Variants in ARHGEF28 observed in about 807,000 individuals in gnomAD.
ARHGEF28 encodes the protein 190 kDa guanine nucleotide exchange factor.
In ARHGEF28, 152 loss-of-function variants were observed where a neutral mutation model predicts 206.6. That is an observed-to-expected ratio of 0.74 (90% confidence interval 0.64 to 0.84). The LOEUF (loss-of-function observed/expected upper bound fraction) is 0.84. Ranked by LOEUF, ARHGEF28 falls within the 40% of genes least tolerant of loss-of-function variation. The probability of loss-of-function intolerance (pLI) is 0.00; values close to 1 mark genes in which losing one functional copy is unlikely to be tolerated. For missense variants in ARHGEF28, 2,028 were observed against 2,073.2 expected (o/e 0.98, Z 0.42); for synonymous variants, 763 against 776.4 (o/e 0.98, Z 0.29).
intron 4 of ARHGEF28, among the ~76,000 whole-genome samples, chr5:73,753,561 G>A (rs373864442): frequency 1.3e-5 from 2 of 152,326 alleles, no homozygotes; most frequent in East Asian, 1.9e-4. Context: ...TAGGCTCACT[G>A]GACAAGAAAG....
rs939203212 is a variant in ARHGEF28, at chr5:73,910,176, T to A, written c.4647+279T>A. On this transcript the variant is annotated intron_variant, in intron 34 of 35. Coordinates refer to ENST00000513042, the MANE Select transcript of ARHGEF28 (RefSeq NM_001177693.2). ...CGGGAAGATCACCTGAGGTTGGGAG[T>A]TCGAGACCAGCCTGGCCAACATGGT... is the stretch of plus-strand genomic sequence containing the variant. Among the ~76,000 whole-genome samples the A allele has an allele frequency of 4.6e-5, 7 of 150,796 alleles. No individual in the cohort carries two copies. In the East Asian group the frequency reaches 1.2e-3, roughly 25 times the overall value.
chr5:73,741,796 A>G (rs890670409), intron 2 of ARHGEF28, among the ~76,000 whole-genome samples: 2 of 152,152 alleles, frequency 1.3e-5, no homozygotes, highest in African/African-American at 4.8e-5. Flanking sequence ...ATATTAATAT[A>G]TGCATTTAAT....
At chr5:73,774,313 G>T (rs1014839804) in intron 5 of ARHGEF28, among the ~76,000 whole-genome samples, 1 of 152,128 alleles carries the variant, frequency 6.6e-6, no homozygotes, top group African/African-American at 2.4e-5. Context: ...CAGCTTAAAT[G>T]TCAACCCCTT....
At chr5:73,885,360 A>G (rs1761204876) in intron 24 of ARHGEF28, among the ~76,000 whole-genome samples, 1 of 152,196 alleles carries the variant, frequency 6.6e-6, no homozygotes, top group African/African-American at 2.4e-5. Flanking sequence ...TCTTACTGTC[A>G]GCGGAAGGAC....
chr5:73,863,661 A>G (rs1759532606), intron 16 of ARHGEF28, among the ~76,000 whole-genome samples: 1 of 151,306 alleles, frequency 6.6e-6, no homozygotes, highest in Non-Finnish European at 1.5e-5. Flanking sequence ...ACAATTTTCA[A>G]GTATCTAAAG....
chr5:73,818,793 A>G (rs1046362872), intron 9 of ARHGEF28, among the ~76,000 whole-genome samples: 5 of 152,324 alleles, frequency 3.3e-5, no homozygotes, highest in Admixed American at 1.3e-4. Context: ...TGGCTGCTCA[A>G]ATTCTTGGAC....
intron 7 of ARHGEF28, among the ~76,000 whole-genome samples, chr5:73,792,888 C>G (rs895780500): frequency 7.2e-5 from 11 of 151,984 alleles, no homozygotes; most frequent in African/African-American, 2.7e-4. Flanking sequence ...TGAAATTAGC[C>G]CATTTTGACA....
chr5:73,725,172 A>T (rs1356308139), intron 2 of ARHGEF28, among the ~76,000 whole-genome samples: 1 of 152,180 alleles, frequency 6.6e-6, no homozygotes, highest in Non-Finnish European at 1.5e-5. Context: ...TTTCTGTGTC[A>T]TTAAATATTA....
intron 23 of ARHGEF28, 119 bp downstream of exon 23, chr5:73,882,713 A>C: frequency 4.1e-6 from 4 of 983,644 alleles, no homozygotes; most frequent in Non-Finnish European, 5.7e-6. Flanking sequence ...GGGAAGAAGA[A>C]GGGAGGTGGA....
chr5:73,848,879 C>T (rs201254639), intron 12 of ARHGEF28, 97 bp from the exon 13 acceptor site: 4 of 860,020 alleles, frequency 4.7e-6, no homozygotes, highest in Non-Finnish European at 7.2e-6. Flanking sequence ...GGTTGAATCT[C>T]TTTTCAAAGG....
intron 9 of ARHGEF28, among the ~76,000 whole-genome samples, chr5:73,817,057 C>T (rs1398768618): frequency 6.6e-6 from 1 of 152,144 alleles, no homozygotes; most frequent in Non-Finnish European, 1.5e-5. Context: ...AGGCTTTACC[C>T]AAGGTTCTCA....
At chr5:73,671,104 G>A (rs1746275992) in intron 1 of ARHGEF28, among the ~76,000 whole-genome samples, 1 of 152,070 alleles carries the variant, frequency 6.6e-6, no homozygotes, top group Admixed American at 6.5e-5. Flanking sequence ...GGAATTCATG[G>A]CCTCTATAAA....
In ARHGEF28 at chr5:73,790,590, T is replaced by A. The variant is rs1236223919; in HGVS notation, c.911-3812T>A. ...CTCACTGATAAGTCTCATTTTGATA[T>A]TTCTGTAAATAAGTGCCTCATTGTT... On this transcript the variant is annotated intron_variant, in intron 7 of 35. Transcript: ENST00000513042. 5.9e-5 allele frequency among the ~76,000 whole-genome samples: 9 copies of A among 152,060 alleles called. No homozygotes were observed. The South Asian group carries it at 1.7e-3, about 28-fold the overall frequency.
chr5:73,766,123 C>T (rs1324158031), intron 4 of ARHGEF28, among the ~76,000 whole-genome samples: 16 of 149,510 alleles, frequency 1.1e-4, no homozygotes, highest in South Asian at 2.1e-4. Context: ...CACTGCAATC[C>T]GGCCTGGGCT....
chr5:73,877,445 A>C (rs1281987075), intron 22 of ARHGEF28, among the ~76,000 whole-genome samples: 1 of 144,462 alleles, frequency 6.9e-6, no homozygotes, highest in Non-Finnish European at 1.5e-5. Flanking sequence ...GATTTTAGTT[A>C]TTTCTTGCCT....
chr5:73,769,140 C>T (rs1300324995), intron 4 of ARHGEF28, among the ~76,000 whole-genome samples: 1 of 152,052 alleles, frequency 6.6e-6, no homozygotes, highest in African/African-American at 2.4e-5. Flanking sequence ...TGAAAATGGA[C>T]TAATACACAC....
At chr5:73,932,577 T>C (rs574617823) in intron 35 of ARHGEF28, among the ~76,000 whole-genome samples, 301 of 152,322 alleles carry the variant, frequency 2.0e-3, no homozygotes, top group African/African-American at 6.9e-3. Flanking sequence ...TTGTTTTTGC[T>C]AAGAAGACAA....
intron 1 of ARHGEF28, among the ~76,000 whole-genome samples, chr5:73,669,535 G>A (rs966210898): frequency 6.6e-6 from 1 of 152,054 alleles, no homozygotes; most frequent in African/African-American, 2.4e-5. Context: ...TCAATTGTAA[G>A]AAACAATAGA....
At chr5:73,738,180 T>C (rs1751131093) in intron 2 of ARHGEF28, among the ~76,000 whole-genome samples, 1 of 152,178 alleles carries the variant, frequency 6.6e-6, no homozygotes, top group South Asian at 2.1e-4. Context: ...ATAGGATTCA[T>C]CTGGGGGTCA....
Sources: allele counts gnomAD v4.1 joint callset (sites outside exome capture counted in the v4.1 genomes callset), GRCh38; gene constraint gnomAD v4.1.1; transcripts MANE v1.5; gene names NCBI Gene and HGNC (gene_info 2026-07-23, HGNC 2026-07-21).